The following QRICH1 variants were observed in gnomAD, a reference collection of about 807,000 sequenced individuals.
QRICH1 encodes the protein transcriptional regulator QRICH1.
QRICH1 carries 16 observed loss-of-function variants against 87.1 expected under a neutral mutation model. That is an observed-to-expected ratio of 0.18 (90% CI 0.12 to 0.28). The LOEUF is 0.28. Among genes scored for constraint, QRICH1 ranks in the 10% least tolerant of loss-of-function variants. The pLI is 1.00. For synonymous variants in QRICH1, 367 were observed against 368.4 expected, an observed-to-expected ratio of 1.00 and a Z score of 0.05; for missense variants, 647 against 951.7, an observed-to-expected ratio of 0.68 and a Z score of 4.21.
At chr3:49,051,843 T>A (rs913715242) in intron 3 of QRICH1, among the ~76,000 whole-genome samples, 3 of 152,164 alleles carry the variant, frequency 2.0e-5, no homozygotes, top group African/African-American at 7.2e-5. Flanking sequence ...CTTCACTGTG[T>A]GCTTCCAAAC....
chr3:49,065,597 G>A (rs1312688383), intron 2 of QRICH1, among the ~76,000 whole-genome samples: 1 of 152,128 alleles, frequency 6.6e-6, no homozygotes, highest in Non-Finnish European at 1.5e-5. Flanking sequence ...AGTGAAAAAG[G>A]CAAATTAATA....
chr3:49,079,682 C>A (rs943592964), intron 1 of QRICH1, among the ~76,000 whole-genome samples: 9 of 152,076 alleles, frequency 5.9e-5, no homozygotes, highest in Non-Finnish European at 1.3e-4. Context: ...CACACTTGCA[C>A]AGAATGTATC....
chr3:49,071,041 AAAACACTCC>A (rs1383630829), intron 2 of QRICH1, among the ~76,000 whole-genome samples: 2 of 146,508 alleles, frequency 1.4e-5, no homozygotes, highest in Non-Finnish European at 3.0e-5. Flanking sequence ...AAAGTCTCAA[AAAACACTCC>A]AAACTTAAAT....
At chr3:49,085,305 C>T (rs952856552) in intron 1 of QRICH1, among the ~76,000 whole-genome samples, 8 of 150,958 alleles carry the variant, frequency 5.3e-5, no homozygotes, top group Non-Finnish European at 7.4e-5. Context: ...TTTGGGAGGC[C>T]GAGGCAGGCG....
intron 2 of QRICH1, among the ~76,000 whole-genome samples, chr3:49,074,450 T>C (rs1193056290): frequency 6.6e-6 from 1 of 151,636 alleles, no homozygotes; most frequent in Non-Finnish European, 1.5e-5. Context: ...CTGGCGCCTG[T>C]AGTCCCAGCT....
At chr3:49,047,907 T>G (rs2093348042) in intron 3 of QRICH1, among the ~76,000 whole-genome samples, 1 of 151,908 alleles carries the variant, frequency 6.6e-6, no homozygotes, top group Admixed American at 6.6e-5. Flanking sequence ...AGCCTGGTGA[T>G]AGAGCGAGAC....
At chr3:49,060,873 G>A (rs1352873380) in intron 2 of QRICH1, among the ~76,000 whole-genome samples, 1 of 151,750 alleles carries the variant, frequency 6.6e-6, no homozygotes, top group Non-Finnish European at 1.5e-5. Flanking sequence ...GCTCACACCT[G>A]TAATCCCAGT....
At chr3:49,081,339 C>T (rs1034507495) in intron 1 of QRICH1, among the ~76,000 whole-genome samples, 2 of 151,784 alleles carry the variant, frequency 1.3e-5, no homozygotes, top group African/African-American at 4.8e-5. Flanking sequence ...ATCACTTGAA[C>T]CCAGGAGATG....
intron 2 of QRICH1, among the ~76,000 whole-genome samples, chr3:49,065,154 G>C (rs1032486983): frequency 9.6e-5 from 14 of 146,476 alleles, no homozygotes; most frequent in Non-Finnish European, 1.5e-4. Flanking sequence ...TTTTTTTTTG[G>C]AGATGGAGTC....
At chr3:49,065,512 C>T (rs150627728) in intron 2 of QRICH1, among the ~76,000 whole-genome samples, 3 of 152,272 alleles carry the variant, frequency 2.0e-5, no homozygotes, top group Non-Finnish European at 4.4e-5. Context: ...TCTGCTTCCG[C>T]ACTCAATCTG....
intron 6 of QRICH1, among the ~76,000 whole-genome samples, chr3:49,041,606 G>GT (rs2093310190): frequency 6.6e-6 from 1 of 151,880 alleles, no homozygotes; most frequent in East Asian, 1.9e-4. Flanking sequence ...AGGATTATGG[G>GT]TGTGAGCCAC....
chr3:49,081,186 C>G (rs2042052472), intron 1 of QRICH1, among the ~76,000 whole-genome samples: 1 of 151,898 alleles, frequency 6.6e-6, no homozygotes, highest in Non-Finnish European at 1.5e-5. Context: ...GGAGGCTGAG[C>G]TGGGTGGATC....
chr3:49,084,080 A>G (rs1030272840), intron 1 of QRICH1, among the ~76,000 whole-genome samples: 1 of 151,930 alleles, frequency 6.6e-6, no homozygotes, highest in African/African-American at 2.4e-5. Flanking sequence ...GATTACAGGT[A>G]TGAGCCACCG....
chr3:49,030,423 G>A lies in QRICH1; in HGVS notation c.*29C>T. On this transcript the variant is annotated 3_prime_UTR_variant, in exon 10 of 10. Transcript: ENST00000395443. ...AAAGTCTGTCTGGTTTTTCCTGGCT[G>A]GTTTCTCTTGTGCCATGGCCAAGGC... 1 of 1,600,832 alleles carries A rather than the reference G, an allele frequency of 6.2e-7. No homozygotes were observed. Among genetic ancestry groups the A allele is most frequent in the Non-Finnish European group, 8.5e-7 (1 of 1,173,248 alleles).
intron 2 of QRICH1, among the ~76,000 whole-genome samples, chr3:49,062,208 G>C (rs2093439032): frequency 6.6e-6 from 1 of 151,884 alleles, no homozygotes; most frequent in Non-Finnish European, 1.5e-5. Context: ...GGTTACACAT[G>C]CTTGTAATCC....
intron 2 of QRICH1, among the ~76,000 whole-genome samples, chr3:49,067,976 CAAAA>C: frequency 6.6e-6 from 1 of 151,396 alleles, no homozygotes; most frequent in South Asian, 2.1e-4. Flanking sequence ...TGGAAACAAA[CAAAA>C]AAAACAACCC....
Position 49,057,533 on chromosome 3 carries a change from G to C in QRICH1, c.667C>G (p.Pro223Ala). 6.2e-7 allele frequency: 1 copy of C among 1,613,414 alleles called. No individual in the cohort carries two copies. ...IQTVGALSPPPSQQGSPREGE... is the reference protein window; with the variant it reads ...IQTVGALSPPASQQGSPREGE... The stretch of plus-strand genomic sequence containing the variant: ...TCCCGGGGTGAGCCCTGCTGGGATG[G>C]TGGTGGGGAAAGGGCACCCACGGTC... Residue 223 changes from proline (P) to alanine (A), a missense_variant, in exon 3 of 10, where the codon CCA (proline) becomes GCA (alanine). Around this residue, in one of 7 missense-constraint regions of QRICH1, gnomAD observed 156 missense variants for 164.5 expected, o/e 0.95. Coordinates refer to ENST00000395443, the MANE Select transcript of QRICH1 (RefSeq NM_198880.3). This position sits in a 1 kb window ranked among gnomAD's most constrained non-coding sequence, Gnocchi z 5.4.
chr3:49,093,006 T>C (rs775621181), intron 1 of QRICH1, among the ~76,000 whole-genome samples: 14 of 152,214 alleles, frequency 9.2e-5, no homozygotes, highest in Non-Finnish European at 1.9e-4. Context: ...GGAGTTCACA[T>C]GGGCCACATA....
intron 7 of QRICH1, 130 bp downstream of exon 7, chr3:49,032,990 C>T: frequency 1.1e-6 from 1 of 935,194 alleles, no homozygotes; most frequent in South Asian, 1.9e-5. Flanking sequence ...TAAAATGCAG[C>T]CAAGTGGGGT....
Sources: gnomAD v4.1 joint callset for allele counts (sites outside exome capture counted in the v4.1 genomes callset) on GRCh38, gnomAD v4.1.1 for gene constraint, gnomAD v4.1.1 regional missense constraint, Gnocchi (gnomAD v3.1) non-coding constraint, MANE v1.5 for transcripts, NCBI Gene and HGNC (gene_info 2026-07-23, HGNC 2026-07-21) for gene names.